Variants in SV2C observed in about 807,000 individuals in gnomAD.
SV2C encodes the protein synaptic vesicle glycoprotein 2C.
Under a neutral mutation model 79.7 loss-of-function variants are expected in SV2C, and 49 were observed. That is an observed-to-expected ratio of 0.61 (90% CI 0.49 to 0.78). The LOEUF (loss-of-function observed/expected upper bound fraction) is 0.78. Among genes scored for constraint, SV2C ranks in the 30% least tolerant of loss-of-function variants. The pLI is 0.00. For synonymous variants in SV2C, 334 were observed against 333.2 expected (o/e 1.00, Z -0.03); for missense variants, 833 against 912.9 (o/e 0.91, Z 1.13).
At chr5:75,963,688 T>C in the SV2C span, among the ~76,000 whole-genome samples, 1 of 152,158 alleles carries the variant, frequency 6.6e-6, no homozygotes, top group African/African-American at 2.4e-5. Flanking sequence ...CTTTCAAATA[T>C]GAAAGATTCG....
chr5:76,169,122 G>T (rs1743136371), intron 2 of SV2C, among the ~76,000 whole-genome samples: 1 of 152,196 alleles, frequency 6.6e-6, no homozygotes, highest in African/African-American at 2.4e-5. Context: ...TATTTTACTG[G>T]ACAAAGTAGA....
rs77724043 is a variant in SV2C, at chr5:76,293,041, T to C, written c.1337+1185T>C. Among the ~76,000 whole-genome samples, 21 of 152,306 alleles carry C rather than the reference T, an allele frequency of 1.4e-4. No homozygotes were observed. The East Asian group carries it at 3.9e-3, about 28-fold the overall frequency. ...TTTCTTAGTGCCTGAGGAGGTGGAA[T>C]ACGGAGAAAGAAGGAAGCTGGGAGT... On this transcript the variant is annotated intron_variant, in intron 8 of 12. Coordinates refer to ENST00000502798, the MANE Select transcript of SV2C (RefSeq NM_014979.4).
At chr5:75,887,469 T>G in the SV2C span, among the ~76,000 whole-genome samples, 1 of 151,992 alleles carries the variant, frequency 6.6e-6, no homozygotes, top group Non-Finnish European at 1.5e-5. Flanking sequence ...TGTCTTATCC[T>G]CCACTTTAAA....
chr5:76,082,703 G>C (rs1418643619), upstream of SV2C, among the ~76,000 whole-genome samples: 1 of 145,326 alleles, frequency 6.9e-6, no homozygotes, highest in South Asian at 2.3e-4. Flanking sequence ...TGTGAGCCCA[G>C]CTGTCTGGCC....
upstream of SV2C, among the ~76,000 whole-genome samples, chr5:76,080,726 T>C (rs1457715909): frequency 6.6e-6 from 1 of 152,216 alleles, no homozygotes; most frequent in Non-Finnish European, 1.5e-5. Flanking sequence ...ACAAAAGTCC[T>C]GAGGTGTAGG....
At chr5:76,020,605 G>A in the SV2C span, among the ~76,000 whole-genome samples, 1 of 152,198 alleles carries the variant, frequency 6.6e-6, no homozygotes, top group South Asian at 2.1e-4. Flanking sequence ...CTCAGAGGTA[G>A]TGAATGTCTT....
At chr5:76,161,931 G>A (rs1413964708) in intron 2 of SV2C, among the ~76,000 whole-genome samples, 1 of 152,078 alleles carries the variant, frequency 6.6e-6, no homozygotes, top group Non-Finnish European at 1.5e-5. Context: ...ATAAAGTGGT[G>A]GGACCTTATC....
intron 10 of SV2C, among the ~76,000 whole-genome samples, chr5:76,300,062 T>C (rs1280372154): frequency 6.6e-6 from 1 of 152,064 alleles, no homozygotes; most frequent in Non-Finnish European, 1.5e-5. Context: ...AGGCTGACTC[T>C]TGCACTTTTT....
At chr5:76,236,644 T>C (rs1745625298) in intron 4 of SV2C, among the ~76,000 whole-genome samples, 2 of 152,078 alleles carry the variant, frequency 1.3e-5, no homozygotes. Flanking sequence ...CCAGCTCTTA[T>C]CGGAACAAAT....
intron 1 of SV2C, among the ~76,000 whole-genome samples, chr5:76,087,359 G>A (rs964183382): frequency 1.3e-5 from 2 of 152,150 alleles, no homozygotes; most frequent in African/African-American, 4.8e-5. Flanking sequence ...GATTAAGACT[G>A]GACACTATAG....
the SV2C span, among the ~76,000 whole-genome samples, chr5:75,987,357 T>C: frequency 1.3e-5 from 2 of 151,978 alleles, no homozygotes; most frequent in South Asian, 4.1e-4. Context: ...AGGTACTTTC[T>C]TGATTATTCC....
intron 2 of SV2C, among the ~76,000 whole-genome samples, chr5:76,170,366 C>T (rs373507802): frequency 0.084 from 9,845 of 116,940 alleles, 514 homozygotes; most frequent in Middle Eastern, 0.12. Context: ...AACATCTCAA[C>T]CAAAACGTTA....
the SV2C span, among the ~76,000 whole-genome samples, chr5:75,922,849 T>C: frequency 7.2e-5 from 11 of 152,314 alleles, no homozygotes; most frequent in African/African-American, 2.2e-4. Flanking sequence ...CTGGCCCACA[T>C]TGGACAGTGA....
At chr5:76,045,916 AG>A in the SV2C span, among the ~76,000 whole-genome samples, 78 of 152,182 alleles carry the variant, frequency 5.1e-4, no homozygotes, top group African/African-American at 1.8e-3. Flanking sequence ...GGACATGGGG[AG>A]GGGTAAAAAG....
the SV2C span, among the ~76,000 whole-genome samples, chr5:76,073,850 A>T: frequency 6.6e-6 from 1 of 152,072 alleles, no homozygotes; most frequent in Non-Finnish European, 1.5e-5. Context: ...ACCACTAAAG[A>T]ACTTATTCAT....
At chr5:75,898,634 G>A in the SV2C span, among the ~76,000 whole-genome samples, 1 of 152,162 alleles carries the variant, frequency 6.6e-6, no homozygotes, top group South Asian at 2.1e-4. Context: ...AATAGTTTCA[G>A]AAGGAATGGT....
chr5:76,018,176 A>C, the SV2C span, among the ~76,000 whole-genome samples: 9 of 152,162 alleles, frequency 5.9e-5, no homozygotes, highest in African/African-American at 2.2e-4. Flanking sequence ...GAAGCCATTT[A>C]ATAGATCGTA....
At chr5:76,021,359 C>T in the SV2C span, among the ~76,000 whole-genome samples, 1 of 152,324 alleles carries the variant, frequency 6.6e-6, no homozygotes, top group Admixed American at 6.5e-5. Context: ...TTCCCAAGCA[C>T]TGAAAGAAAA....
chr5:76,044,866 G>A, the SV2C span, among the ~76,000 whole-genome samples: 2 of 152,080 alleles, frequency 1.3e-5, no homozygotes, highest in African/African-American at 4.8e-5. Flanking sequence ...TCTGTAGATT[G>A]TCTGTTCACT....
Sources: allele counts gnomAD v4.1 joint callset (sites outside exome capture counted in the v4.1 genomes callset), GRCh38; gene constraint gnomAD v4.1.1; transcripts MANE v1.5; gene names NCBI Gene and HGNC (gene_info 2026-07-23, HGNC 2026-07-21).